The following ADGRG7 variants were observed in gnomAD, a reference collection of about 807,000 sequenced individuals.
ADGRG7 encodes the protein adhesion G protein-coupled receptor G7, also known as G-protein coupled receptor 128.
ADGRG7 carries 82 observed loss-of-function variants against 88.6 expected under a neutral mutation model. That is an observed-to-expected ratio of 0.93 (90% confidence interval 0.77 to 1.11). ADGRG7 has a LOEUF of 1.11. Ranked by LOEUF, ADGRG7 falls within the 50% of genes most tolerant of loss-of-function variation. The pLI, the probability that ADGRG7 is intolerant of heterozygous loss-of-function variation, is 0.00. For synonymous variants in ADGRG7, 381 were observed against 345.2 expected, an observed-to-expected ratio of 1.10 and a Z score of -1.15; for missense variants, 945 against 953.4, an observed-to-expected ratio of 0.99 and a Z score of 0.12.
intron 1 of ADGRG7, among the ~76,000 whole-genome samples, chr3:100,612,056 AAC>A (rs765247051): frequency 3.3e-5 from 5 of 152,118 alleles, no homozygotes; most frequent in Non-Finnish European, 5.9e-5. Flanking sequence ...AATATATATA[AAC>A]ACACAAAATT....
intron 15 of ADGRG7, among the ~76,000 whole-genome samples, chr3:100,670,389 A>G (rs1027833865): frequency 5.9e-5 from 9 of 152,150 alleles, no homozygotes. Context: ...TATGTACTGC[A>G]TTATCTTTAT....
chr3:100,653,587 C>T (rs1192474690), intron 11 of ADGRG7, among the ~76,000 whole-genome samples: 1 of 152,152 alleles, frequency 6.6e-6, no homozygotes, highest in Non-Finnish European at 1.5e-5. Flanking sequence ...AAAAAAACTG[C>T]CCCAAAACTC....
At chr3:100,672,256 T>G (rs2094959770) in intron 15 of ADGRG7, among the ~76,000 whole-genome samples, 2 of 152,230 alleles carry the variant, frequency 1.3e-5, no homozygotes, top group Admixed American at 1.3e-4. Context: ...CAGTTCTCCT[T>G]GAAGAGGTCC....
At chr3:100,660,728 G>T (rs2094944200) in intron 14 of ADGRG7, among the ~76,000 whole-genome samples, 1 of 152,058 alleles carries the variant, frequency 6.6e-6, no homozygotes, top group Non-Finnish European at 1.5e-5. Context: ...GGGGGTGGGT[G>T]GATCACCTGA....
intron 1 of ADGRG7, among the ~76,000 whole-genome samples, chr3:100,629,066 C>A (rs1177511129): frequency 6.6e-6 from 1 of 152,128 alleles, no homozygotes; most frequent in Non-Finnish European, 1.5e-5. Flanking sequence ...TCCTTAGACA[C>A]ATCAGAACTT....
rs746806729 is a variant in ADGRG7, at chr3:100,655,157, C to G, written c.1702C>G (p.Leu568Val). 8.1e-6 allele frequency: 13 copies of G among 1,609,578 alleles called. No homozygotes were observed. The highest frequency in any genetic ancestry group is 1.1e-5 in the Non-Finnish European group (13 of 1,176,796). ...GAAGCCTCTTCCTCGGCATTTCATT[C>G]TTTTCATCTCATTAATTGGATGGGG... is the stretch of plus-strand genomic sequence containing the variant. ...TMKPLPRHFI[L>V]FISLIGWGVP... Residue 568 changes from leucine (L) to valine (V), a missense_variant, in exon 12 of 16, where the codon CTT becomes GTT. By Grantham distance (32) the Leu-to-Val change is conservative. Coordinates refer to ENST00000273352, the MANE Select transcript of ADGRG7 (RefSeq NM_032787.3).
At chr3:100,629,555 A>G in intron 1 of ADGRG7, 43 bp from the exon 2 acceptor site, 1 of 1,393,242 alleles carries the variant, frequency 7.2e-7, no homozygotes, top group Non-Finnish European at 1.0e-6. Context: ...GGAGAAATGA[A>G]TCAGCCAGTT....
intron 6 of ADGRG7, 166 bp downstream of exon 6, chr3:100,637,568 T>C: frequency 1.7e-6 from 1 of 590,898 alleles, no homozygotes; most frequent in East Asian, 2.9e-5. Flanking sequence ...CTTTAGTTAC[T>C]AGATGGAGTG....
At chr3:100,679,399 G>A (rs1175672480) in intron 15 of ADGRG7, among the ~76,000 whole-genome samples, 1 of 152,176 alleles carries the variant, frequency 6.6e-6, no homozygotes, top group Non-Finnish European at 1.5e-5. Context: ...CAGGAGCCGA[G>A]GCCTGGAATC....
At chr3:100,687,695 G>A (rs2094985307) in intron 15 of ADGRG7, among the ~76,000 whole-genome samples, 1 of 152,218 alleles carries the variant, frequency 6.6e-6, no homozygotes. Flanking sequence ...ATTTTCGTAT[G>A]TTGAACCAGC....
chr3:100,621,549 C>A (rs1192274360), intron 1 of ADGRG7, among the ~76,000 whole-genome samples: 3 of 152,124 alleles, frequency 2.0e-5, no homozygotes, highest in Non-Finnish European at 4.4e-5. Context: ...TAACTTGTTT[C>A]AATTCTATGG....
At chr3:100,657,966 A>G (rs1391506598) in intron 13 of ADGRG7, among the ~76,000 whole-genome samples, 1 of 152,242 alleles carries the variant, frequency 6.6e-6, no homozygotes, top group Non-Finnish European at 1.5e-5. Context: ...ACAAAACTCC[A>G]GGGGAAAGAA....
chr3:100,655,626 C>A (rs969290156), intron 12 of ADGRG7, among the ~76,000 whole-genome samples: 1 of 152,144 alleles, frequency 6.6e-6, no homozygotes, highest in Admixed American at 6.6e-5. Flanking sequence ...GACTGAGGAA[C>A]TATGCCACTG....
intron 15 of ADGRG7, among the ~76,000 whole-genome samples, chr3:100,684,528 A>G (rs899786809): frequency 2.6e-5 from 4 of 152,064 alleles, no homozygotes; most frequent in African/African-American, 9.7e-5. Context: ...TCAGCTTCCC[A>G]AAGTGTTGGG....
chr3:100,660,410 T>G (rs2094943679), intron 14 of ADGRG7, among the ~76,000 whole-genome samples: 1 of 152,202 alleles, frequency 6.6e-6, no homozygotes, highest in Non-Finnish European at 1.5e-5. Context: ...ACTCAAGTTA[T>G]CCTCTCCCCT....
intron 6 of ADGRG7, among the ~76,000 whole-genome samples, chr3:100,639,264 G>A (rs180933917): frequency 6.6e-6 from 1 of 152,182 alleles, no homozygotes; most frequent in Non-Finnish European, 1.5e-5. Flanking sequence ...GTCTTTTAAT[G>A]TTCTAAGTAA....
At chr3:100,686,936 T>C (rs903515123) in intron 15 of ADGRG7, among the ~76,000 whole-genome samples, 16 of 152,244 alleles carry the variant, frequency 1.1e-4, no homozygotes, top group African/African-American at 3.6e-4. Flanking sequence ...GGTAGCTTGA[T>C]GGGGTTGGCA....
At chr3:100,690,404 C>G (rs906642578) in intron 15 of ADGRG7, among the ~76,000 whole-genome samples, 18 of 152,154 alleles carry the variant, frequency 1.2e-4, no homozygotes, top group Admixed American at 9.2e-4. Context: ...CAGCTTTGTT[C>G]CATTGAGGAG....
chr3:100,623,907 T>A (rs1707346812), intron 1 of ADGRG7, among the ~76,000 whole-genome samples: 1 of 152,216 alleles, frequency 6.6e-6, no homozygotes. Flanking sequence ...TGCATAGTAT[T>A]TCATGGTGTA....
Sources: allele counts gnomAD v4.1 joint callset (sites outside exome capture counted in the v4.1 genomes callset), GRCh38; gene constraint gnomAD v4.1.1; transcripts MANE v1.5; gene names NCBI Gene and HGNC (gene_info 2026-07-23, HGNC 2026-07-21).